The following RERE variants were observed in gnomAD, a reference collection of about 807,000 sequenced individuals.
RERE encodes the protein arginine-glutamic acid dipeptide repeats protein.
Under a neutral mutation model 146.1 loss-of-function variants are expected in RERE, and 40 were observed. That is an observed-to-expected ratio of 0.27 (90% confidence interval 0.21 to 0.36). The LOEUF is 0.36. RERE is among the 10% of genes least tolerant of loss of function. RERE has a pLI of 1.00. For missense variants in RERE, 1,933 were observed against 2,138.7 expected (o/e 0.90, Z 1.90); for synonymous variants, 1,003 against 866.0 (o/e 1.16, Z -2.78).
intron 11 of RERE, among the ~76,000 whole-genome samples, chr1:8,443,330 C>T (rs978611466): frequency 2.6e-5 from 4 of 151,708 alleles, no homozygotes; most frequent in Admixed American, 2.6e-4. Flanking sequence ...GGCATGATGG[C>T]ACACACCTGT....
intron 1 of RERE, among the ~76,000 whole-genome samples, chr1:8,729,659 C>G (rs1343726066): frequency 6.6e-6 from 1 of 152,104 alleles, no homozygotes; most frequent in African/African-American, 2.4e-5. Flanking sequence ...AAAAGACTGC[C>G]AACAGCAAAC....
At chr1:8,523,629 A>T (rs1413553166) in intron 7 of RERE, among the ~76,000 whole-genome samples, 3 of 149,044 alleles carry the variant, frequency 2.0e-5, no homozygotes, top group Non-Finnish European at 4.4e-5. Flanking sequence ...TATTTTTCCC[A>T]GACAGGATAA....
intron 1 of RERE, chr1:8,750,416 T>A (rs112460690): frequency 3.9e-6 from 3 of 763,988 alleles, no homozygotes; most frequent in Non-Finnish European, 6.9e-6. Flanking sequence ...GTAGCCTCTT[T>A]TTCCGGCTGG....
At chr1:8,715,340 C>T (rs1315448638) in intron 1 of RERE, among the ~76,000 whole-genome samples, 1 of 150,468 alleles carries the variant, frequency 6.6e-6, no homozygotes, top group Non-Finnish European at 1.5e-5. Context: ...GGTGAAACCC[C>T]GTCTCTACTA....
chr1:8,598,909 G>A (rs1646587218), intron 4 of RERE, among the ~76,000 whole-genome samples: 2 of 152,172 alleles, frequency 1.3e-5, no homozygotes, highest in Admixed American at 1.3e-4. Context: ...ATATACCACA[G>A]CACTGACTTC....
At chr1:8,771,376 T>C (rs932639534) in intron 1 of RERE, among the ~76,000 whole-genome samples, 1 of 151,552 alleles carries the variant, frequency 6.6e-6, no homozygotes, top group African/African-American at 2.4e-5. Context: ...ACAAAAAAAT[T>C]AGCCAGACGT....
intron 1 of RERE, among the ~76,000 whole-genome samples, chr1:8,768,075 G>A (rs1202789853): frequency 6.6e-6 from 1 of 152,206 alleles, no homozygotes; most frequent in Non-Finnish European, 1.5e-5. Flanking sequence ...AATAGTCACA[G>A]GCCATTTGGA....
intron 1 of RERE, chr1:8,753,325 C>T (rs1206533151): frequency 6.6e-6 from 1 of 152,234 alleles, no homozygotes; most frequent in African/African-American, 2.4e-5. Flanking sequence ...TTATATTCCA[C>T]GCATTTTTGC....
intron 1 of RERE, among the ~76,000 whole-genome samples, chr1:8,689,188 T>C (rs987732180): frequency 2.0e-5 from 3 of 152,184 alleles, no homozygotes; most frequent in Middle Eastern, 3.2e-3. Context: ...GAATATAAAC[T>C]TTGTAGAGAC....
In RERE at chr1:8,745,581, T is replaced by G. The variant is rs6685302; in HGVS notation, c.-145+71579A>C. 2.9e-3 allele frequency among the ~76,000 whole-genome samples: 443 copies of G among 152,310 alleles called. 3 individuals are homozygous for G. The highest frequency in any genetic ancestry group is 0.01 in the African/African-American group (422 of 41,550). ...GGCTAAACTGCAAAAGGAGGTGCGA[T>G]GACATTATACTCCTGCTTAAAACTT... is the stretch of plus-strand genomic sequence containing the variant. On this transcript the variant is annotated intron_variant, in intron 1 of 22. Coordinates refer to ENST00000400908, the MANE Select transcript of RERE (RefSeq NM_001042681.2).
chr1:8,582,428 T>TGGG (rs952208615), intron 4 of RERE, among the ~76,000 whole-genome samples: 29 of 149,258 alleles, frequency 1.9e-4, no homozygotes, highest in African/African-American at 7.1e-4. Context: ...TTTTTTTTTT[T>TGGG]GGGGGGTAGA....
At chr1:8,750,045 G>A (rs969148776) in intron 1 of RERE, among the ~76,000 whole-genome samples, 68 of 151,092 alleles carry the variant, frequency 4.5e-4, no homozygotes, top group African/African-American at 1.6e-3. Context: ...TCAGCTACCC[G>A]GGAGGCTAAG....
intron 1 of RERE, among the ~76,000 whole-genome samples, chr1:8,664,677 C>G (rs930838122): frequency 6.6e-6 from 1 of 152,162 alleles, no homozygotes; most frequent in African/African-American, 2.4e-5. Flanking sequence ...TGTCTCCTCT[C>G]TTTAATCCCT....
At chr1:8,404,895 AT>A (rs958538617) in intron 12 of RERE, among the ~76,000 whole-genome samples, 1 of 152,090 alleles carries the variant, frequency 6.6e-6, no homozygotes, top group Non-Finnish European at 1.5e-5. Flanking sequence ...GAGAATGACA[AT>A]TAGCCCTAGA....
At chr1:8,809,282 C>T (rs557736232) in intron 1 of RERE, among the ~76,000 whole-genome samples, 11 of 151,528 alleles carry the variant, frequency 7.3e-5, no homozygotes, top group African/African-American at 2.7e-4. Context: ...TATAGATATA[C>T]AACATATATT....
At position 8,497,452 on chromosome 1, in the gene RERE, C is replaced by T. The variant is rs373496863; in HGVS notation, c.957G>A (p.Met319Ile). ...TVTQHEELVWMPGVNDCDLLM... is the reference protein window; with the variant it reads ...TVTQHEELVWIPGVNDCDLLM... The stretch of plus-strand genomic sequence containing the variant: ...GGAGGTCACAGTCGTTAACTCCAGG[C>T]ATCCAGACCAGTTCCTCATGTTGGG... Residue 319 changes from methionine (M) to isoleucine (I), a missense_variant, in exon 9 of 23, where the codon ATG becomes ATA. Physicochemically the swap from Met to Ile is conservative, Grantham distance 10. Coordinates refer to ENST00000400908, the MANE Select transcript of RERE (RefSeq NM_001042681.2). 1.2e-6 allele frequency: 2 copies of T among 1,614,154 alleles called. No homozygotes were observed. The highest frequency in any genetic ancestry group is 8.5e-7 in the Non-Finnish European group (1 of 1,180,004).
Position 8,610,362 on chromosome 1 carries a change from G to GGGCAGATCACAAGGTC in RERE, c.522+4183_522+4198dup, listed in dbSNP as rs530726963. The stretch of plus-strand genomic sequence containing the variant: ...TCCCAGCACTTTGGGAGGCCGAGGC[G>GGGCAGATCACAAGGTC]GGCAGATCACAAGGTCAGCAGTTCG... On this transcript the variant is annotated intron_variant, in intron 4 of 22. Coordinates refer to ENST00000400908, the MANE Select transcript of RERE (RefSeq NM_001042681.2). Among the ~76,000 whole-genome samples, 74 of 151,946 alleles carry GGGCAGATCACAAGGTC rather than the reference G, an allele frequency of 4.9e-4. 2 individuals are homozygous for GGGCAGATCACAAGGTC. The highest frequency in any genetic ancestry group is 1.7e-3 in the African/African-American group (70 of 41,476).
chr1:8,369,144 T>C (rs1318613284), intron 12 of RERE, among the ~76,000 whole-genome samples: 1 of 152,052 alleles, frequency 6.6e-6, no homozygotes, highest in African/African-American at 2.4e-5. Flanking sequence ...GAGGCTGCAG[T>C]GAGCTACAAA....
intron 1 of RERE, among the ~76,000 whole-genome samples, chr1:8,787,306 C>G (rs886968481): frequency 1.3e-5 from 2 of 152,180 alleles, no homozygotes; most frequent in Non-Finnish European, 2.9e-5. Context: ...TTCAGAGAAG[C>G]CATCCCTAAA....
Sources: allele counts gnomAD v4.1 joint callset (sites outside exome capture counted in the v4.1 genomes callset), GRCh38; gene constraint gnomAD v4.1.1; transcripts MANE v1.5; gene names NCBI Gene and HGNC (gene_info 2026-07-23, HGNC 2026-07-21).